Variants in FBXO43 observed in about 807,000 individuals in gnomAD.
FBXO43 encodes the protein F-box only protein 43.
FBXO43 carries 22 observed loss-of-function variants against 56.7 expected under a neutral mutation model. The ratio of observed to expected loss-of-function variants is 0.39; its 90% CI spans 0.28 to 0.55. FBXO43 has a LOEUF of 0.55. Among genes scored for constraint, FBXO43 ranks in the 20% least tolerant of loss-of-function variants. The pLI is 0.66. For synonymous variants in FBXO43, 306 were observed against 294.5 expected (o/e 1.04, Z -0.40); for missense variants, 733 against 814.9 (o/e 0.90, Z 1.22).
intron 3 of FBXO43, 69 bp downstream of exon 3, chr8:100,137,496 G>A: frequency 9.7e-7 from 1 of 1,032,178 alleles, no homozygotes; most frequent in East Asian, 2.7e-5. Flanking sequence ...ACCAAATTAG[G>A]TTGTCTAGCA....
rs374725301 is a variant in FBXO43, at chr8:100,141,060, C to T, written c.1194G>A (p.Glu398=). 8 of 1,614,082 alleles carry T rather than the reference C, an allele frequency of 5.0e-6. No individual in the cohort carries two copies. The highest frequency in any genetic ancestry group is 6.8e-6 in the Non-Finnish European group (8 of 1,180,048). Residue 398 remains glutamate, a synonymous_variant, in exon 2 of 5, where the codon GAG becomes GAA. Transcript: ENST00000428847. ...AGTCAGGGTGGACAATCTGCTTTTC[C>T]TCTTCTGTCTCTGACTGCGAGCTTT... is the stretch of plus-strand genomic sequence containing the variant. ...REQSSQSETE[E]EKQIVHPDSE...
Position 100,134,232 on chromosome 8 carries a change from C to T in FBXO43, c.1807G>A (p.Gly603Arg), listed in dbSNP as rs1244115769. 1.9e-6 allele frequency: 3 copies of T among 1,614,072 alleles called. No individual in the cohort carries two copies. The highest frequency in any genetic ancestry group is 2.5e-6 in the Non-Finnish European group (3 of 1,180,006). The change falls in exon 4 of 5, where the codon GGA (glycine) becomes AGA (arginine). Residue 603 changes from glycine (G) to arginine (R), a missense_variant. Gly to Arg is a moderately radical substitution (Grantham distance 125, BLOSUM62 -2). Coordinates refer to ENST00000428847, the MANE Select transcript of FBXO43 (RefSeq NM_001029860.4). The part of the protein sequence containing the change: ...REQGSTLSPW[G>R]EVLTPLASSS... ...CTTGCTAGAGGTGTCAAAACTTCTC[C>T]CCAGGGAGATAATGTTGACCCTTGC...
In FBXO43 at chr8:100,141,352, G is replaced by A; in HGVS notation, c.902C>T (p.Thr301Ile). 1.2e-6 allele frequency: 2 copies of A among 1,613,526 alleles called. No individual in the cohort carries two copies. The highest frequency in any genetic ancestry group is 2.2e-5 in the East Asian group (1 of 44,896). The change falls in exon 2 of 5, where the codon ACT (threonine) becomes ATT (isoleucine). Residue 301 changes from threonine (T) to isoleucine (I), a missense_variant. Coordinates refer to ENST00000428847, the MANE Select transcript of FBXO43 (RefSeq NM_001029860.4). ...GTTTGCCACAAGATTACTTATCGGAGTCACAAATATGTCCTCATCTGTTCC... is the reference window on the plus strand; with the variant it reads ...GTTTGCCACAAGATTACTTATCGGAATCACAAATATGTCCTCATCTGTTCC... ...TCGTDEDIFV[T>I]PISNLVANIR...
In FBXO43 at chr8:100,141,051, C is replaced by T; in HGVS notation, c.1203G>A (p.Gln401=). ...TTTTTTCAGAGTCAGGGTGGACAAT[C>T]TGCTTTTCCTCTTCTGTCTCTGACT... ...SSQSETEEEK[Q]IVHPDSEKRA... The change falls in exon 2 of 5, where the codon CAG becomes CAA. Residue 401 remains glutamine, a synonymous_variant. Transcript: ENST00000428847. The T allele has an allele frequency of 6.2e-7, 1 of 1,614,236 alleles. No individual in the cohort carries two copies. The highest frequency in any genetic ancestry group is 8.5e-7 in the Non-Finnish European group (1 of 1,180,044).
At chr8:100,144,982 C>CCACATCAGAGAA (rs754403452) in intron 1 of FBXO43, 69 bp downstream of exon 1, 1 of 1,483,372 alleles carries the variant, frequency 6.7e-7, no homozygotes, top group East Asian at 2.4e-5. Flanking sequence ...AAAGCACCTA[C>CCACATCAGAGAA]CACATCAGAG....
At chr8:100,134,419 A>G in intron 3 of FBXO43, 55 bp from the exon 4 acceptor site, 1 of 1,462,088 alleles carries the variant, frequency 6.8e-7, no homozygotes, top group Non-Finnish European at 9.6e-7. Flanking sequence ...GTTCCGGGAT[A>G]GCTTTCTGAT....
In FBXO43 at chr8:100,133,841, T is replaced by C. The variant is rs1367878861; in HGVS notation, c.2088A>G (p.Pro696=). The C allele has an allele frequency of 1.2e-6, 2 of 1,614,012 alleles. No individual in the cohort carries two copies. Among genetic ancestry groups the C allele is most frequent in the Admixed American group, 3.3e-5 (2 of 60,012 alleles). The stretch of plus-strand genomic sequence containing the variant: ...AATTCCGCTTACTCTGGGCACTTCC[T>C]GGGAGAGCATCTTTTCTATTTCTTG... ...AKPRNRKDAL[P]GSAQSKRNLK... The change falls in exon 5 of 5, where the codon CCA becomes CCG. Residue 696 remains proline (P), a synonymous_variant. Transcript: ENST00000428847.
upstream of FBXO43, among the ~76,000 whole-genome samples, chr8:100,146,121 A>C (rs2132150900): frequency 6.6e-6 from 1 of 152,374 alleles, no homozygotes; most frequent in African/African-American, 2.4e-5. Context: ...GATTCTCCAA[A>C]CTGTCAAGTG....
chr8:100,149,451 C>A (rs1814882074), upstream of FBXO43, among the ~76,000 whole-genome samples: 1 of 152,174 alleles, frequency 6.6e-6, no homozygotes, highest in Non-Finnish European at 1.5e-5. Flanking sequence ...CCTATTGTGC[C>A]TCTTGTATTA....
intron 3 of FBXO43, 71 bp downstream of exon 3, chr8:100,137,494 A>C (rs1430101791): frequency 3.0e-6 from 3 of 1,011,940 alleles, no homozygotes; most frequent in Non-Finnish European, 4.4e-6. Context: ...AAACCAAATT[A>C]GGTTGTCTAG....
At chr8:100,144,873 A>C (rs1814775481) in intron 1 of FBXO43, 178 bp downstream of exon 1, 1 of 565,852 alleles carries the variant, frequency 1.8e-6, no homozygotes, top group Admixed American at 4.1e-5. Flanking sequence ...TGGAGCTTGC[A>C]GTGAGCCGAG....
upstream of FBXO43, among the ~76,000 whole-genome samples, chr8:100,149,304 G>A (rs1814878800): frequency 6.6e-6 from 1 of 152,150 alleles, no homozygotes; most frequent in African/African-American, 2.4e-5. Context: ...TGTTCTGCAC[G>A]AGAATTATCT....
At chr8:100,146,901 G>C (rs1814841904), upstream of FBXO43, among the ~76,000 whole-genome samples, 1 of 152,212 alleles carries the variant, frequency 6.6e-6, no homozygotes, top group African/African-American at 2.4e-5. Context: ...ACGCTGGAGT[G>C]CCGTGGTGCA....
chr8:100,141,385 G>C lies in FBXO43; in HGVS notation c.869C>G (p.Thr290Arg), dbSNP rs202229125. The change falls in exon 2 of 5, where the codon ACA (threonine) becomes AGA (arginine). Residue 290 changes from threonine (T) to arginine (R), a missense_variant. Physicochemically the swap from Thr to Arg is moderately conservative, Grantham distance 71. Coordinates refer to ENST00000428847, the MANE Select transcript of FBXO43 (RefSeq NM_001029860.4). ...PELLGSSVSGTTCGTDEDIFV... is the reference protein window; with the variant it reads ...PELLGSSVSGRTCGTDEDIFV... ...TATGTCCTCATCTGTTCCACAAGTT[G>C]TTCCACTAACAGAGGAGCCCAGGAG... 370 of 1,613,248 alleles carry C rather than the reference G, an allele frequency of 2.3e-4. No homozygotes were observed. The highest frequency in any genetic ancestry group is 3.6e-4 in the South Asian group (33 of 91,088).
Position 100,141,800 on chromosome 8 carries a change from AT to A in FBXO43, c.453del (p.Lys151AsnfsTer8). On this transcript the variant is annotated frameshift_variant, in exon 2 of 5. Coordinates refer to ENST00000428847, the MANE Select transcript of FBXO43 (RefSeq NM_001029860.4). LOFTEE classifies it high-confidence loss of function. ...ACATTCAACCTTCTGCGAGGTAAAC[AT>A]TTTTTCCCACTGATTTTAGGTGTTT... ...LCETPKISGKKCLPRRRLNVS... is the reference protein window; with the variant it reads ...LCETPKISGKXCLPRRRLNVS... 2 of 1,582,432 alleles carry A rather than the reference AT, an allele frequency of 1.3e-6. No homozygotes were observed. The highest frequency in any genetic ancestry group is 8.6e-7 in the Non-Finnish European group (1 of 1,167,642).
At position 100,145,119 on chromosome 8, in the gene FBXO43, T is replaced by C; in HGVS notation, c.17A>G (p.Lys6Arg). The C allele has an allele frequency of 2.5e-6, 4 of 1,611,506 alleles. No homozygotes were observed. Among genetic ancestry groups the C allele is most frequent in the Non-Finnish European group, 3.4e-6 (4 of 1,178,992 alleles). The change falls in exon 1 of 5, where the codon AAA becomes AGA. Residue 6 changes from lysine to arginine, a missense_variant. Coordinates refer to ENST00000428847, the MANE Select transcript of FBXO43 (RefSeq NM_001029860.4). MSFKD[K>R]DERISCLEAY... ...TTCCAAACAAGAAATTCTCTCATCTTTGTCTTTAAAACTCATGCCAAAATA... is the reference window on the plus strand; with the variant it reads ...TTCCAAACAAGAAATTCTCTCATCTCTGTCTTTAAAACTCATGCCAAAATA...
chr8:100,144,660 G>A (rs925192278), intron 1 of FBXO43, among the ~76,000 whole-genome samples: 12 of 150,516 alleles, frequency 8.0e-5, no homozygotes, highest in East Asian at 1.9e-4. Flanking sequence ...GGCCGGGCGC[G>A]GTGGCTCACG....
chr8:100,141,490 C>A lies in FBXO43; in HGVS notation c.764G>T (p.Gly255Val). The change falls in exon 2 of 5, where the codon GGC (glycine) becomes GTC (valine). Residue 255 changes from glycine (G) to valine (V), a missense_variant. By Grantham distance (109) the Gly-to-Val change is moderately radical. Coordinates refer to ENST00000428847, the MANE Select transcript of FBXO43 (RefSeq NM_001029860.4). ...FEVECISPIQ[G>V]NNFKDSITHD... ...TGTGATAGAGTCTTTAAAATTATTGCCCTGAATTGGAGATATACATTCAAC... is the reference window on the plus strand; with the variant it reads ...TGTGATAGAGTCTTTAAAATTATTGACCTGAATTGGAGATATACATTCAAC... 1 of 1,612,774 alleles carries A rather than the reference C, an allele frequency of 6.2e-7. No individual in the cohort carries two copies.
rs562715132 is a variant in FBXO43, at chr8:100,144,735, A to G, written c.85+316T>C. The stretch of plus-strand genomic sequence containing the variant: ...TCACGAGGTCAGGAGAGCGAGACCA[A>G]CCTGGCTAACACGGTGAAACCCCGT... On this transcript the variant is annotated intron_variant, in intron 1 of 4. Transcript: ENST00000428847. Among the ~76,000 whole-genome samples the G allele has an allele frequency of 2.0e-5, 3 of 151,912 alleles. No homozygotes were observed. In the East Asian group the frequency reaches 5.8e-4, roughly 29 times the overall value.
Sources: allele counts gnomAD v4.1 joint callset (sites outside exome capture counted in the v4.1 genomes callset), GRCh38; gene constraint gnomAD v4.1.1; transcripts MANE v1.5; gene names NCBI Gene and HGNC (gene_info 2026-07-23, HGNC 2026-07-21).